The following GRIA4 variants were observed in gnomAD, a reference collection of about 807,000 sequenced individuals.
GRIA4 encodes glutamate receptor 4.
In GRIA4, 34 loss-of-function variants were observed where a neutral mutation model predicts 104.0. That is an observed-to-expected ratio of 0.33 (90% confidence interval 0.25 to 0.44). The LOEUF (loss-of-function observed/expected upper bound fraction) is 0.44. Ranked by LOEUF, GRIA4 falls within the 20% of genes least tolerant of loss-of-function variation. The probability of loss-of-function intolerance (pLI) is 1.00; values close to 1 mark genes in which losing one functional copy is unlikely to be tolerated. For synonymous variants in GRIA4, 386 were observed against 381.9 expected (o/e 1.01, Z -0.13); for missense variants, 750 against 1,096.5 (o/e 0.68, Z 4.46).
chr11:105,696,628 C>A (rs1163350982), intron 3 of GRIA4, among the ~76,000 whole-genome samples: 1 of 152,154 alleles, frequency 6.6e-6, no homozygotes, highest in East Asian at 1.9e-4. Context: ...TGCTAGATAC[C>A]ATTTCTCATC....
intron 4 of GRIA4, among the ~76,000 whole-genome samples, chr11:105,830,677 C>T (rs1469971756): frequency 6.6e-6 from 1 of 152,020 alleles, no homozygotes; most frequent in African/African-American, 2.4e-5. Flanking sequence ...CTATTCCTCA[C>T]TTGCAGTTTT....
At position 105,911,806 on chromosome 11, in the gene GRIA4, A is replaced by ATATATATATATATATATATG. The variant is rs1318702218; in HGVS notation, c.1269+1264_1269+1265insATATATATATATATATGTAT. ...TATATATATATATATATATATATAT[A>ATATATATATATATATATATG]TATGTTTCTTTTCCTAAAAAAGACA... On this transcript the variant is annotated intron_variant, in intron 10 of 16. Coordinates refer to ENST00000282499, the MANE Select transcript of GRIA4 (RefSeq NM_000829.4). The ATATATATATATATATATATG allele has an allele frequency of 5.2e-4, 149 of 285,684 alleles. 1 individual carries two copies. The highest frequency in any genetic ancestry group is 1.4e-3 in the Admixed American group (26 of 18,874). The allele number at this position is 285,684 out of a possible 1,614,324, so 17.7% of individuals were successfully genotyped here.
chr11:105,815,552 T>C (rs1006705137), intron 4 of GRIA4, among the ~76,000 whole-genome samples: 3 of 152,134 alleles, frequency 2.0e-5, no homozygotes, highest in Admixed American at 2.0e-4. Flanking sequence ...TTTCTGAGTC[T>C]TTTATGCTGC....
chr11:105,772,005 A>G (rs1175006322), intron 4 of GRIA4, among the ~76,000 whole-genome samples: 1 of 152,128 alleles, frequency 6.6e-6, no homozygotes, highest in Non-Finnish European at 1.5e-5. Context: ...GCTGTATTAA[A>G]TCATAACTGC....
chr11:105,937,845 T>A lies in GRIA4; in HGVS notation c.2294+3876T>A, dbSNP rs534539124. 3.9e-5 allele frequency among the ~76,000 whole-genome samples: 6 copies of A among 152,182 alleles called. No individual in the cohort carries two copies. The East Asian group carries it at 1.2e-3, about 29-fold the overall frequency. Reference sequence around the variant, plus strand: ...TTCAGGGGGTGAGACCTGGAAAAAATGAGGCCCAGTTGTACTTGGCAATGC... The same window carrying A: ...TTCAGGGGGTGAGACCTGGAAAAAAAGAGGCCCAGTTGTACTTGGCAATGC... On this transcript the variant is annotated intron_variant, in intron 14 of 16. Coordinates refer to ENST00000282499, the MANE Select transcript of GRIA4 (RefSeq NM_000829.4).
intron 4 of GRIA4, among the ~76,000 whole-genome samples, chr11:105,792,542 T>A (rs895954931): frequency 6.6e-6 from 1 of 152,158 alleles, no homozygotes; most frequent in African/African-American, 2.4e-5. Context: ...ATAACTTTGA[T>A]ACATGTTCCA....
intron 3 of GRIA4, among the ~76,000 whole-genome samples, chr11:105,655,570 T>C (rs1290953682): frequency 6.6e-6 from 1 of 152,052 alleles, no homozygotes; most frequent in Non-Finnish European, 1.5e-5. Context: ...CTCCCACTTA[T>C]GACTTATGTG....
chr11:105,889,863 A>G (rs1343065734), intron 6 of GRIA4, among the ~76,000 whole-genome samples: 3 of 152,308 alleles, frequency 2.0e-5, no homozygotes, highest in African/African-American at 2.4e-5. Flanking sequence ...GTATGTCTAT[A>G]TGCTAGCAAT....
chr11:105,739,811 T>C (rs538474636), intron 3 of GRIA4, among the ~76,000 whole-genome samples: 1 of 152,256 alleles, frequency 6.6e-6, no homozygotes, highest in Admixed American at 6.5e-5. Flanking sequence ...GAGAAATTAT[T>C]TTTAACATCC....
At chr11:105,969,929 A>G (rs1369259940) in intron 14 of GRIA4, among the ~76,000 whole-genome samples, 1 of 152,134 alleles carries the variant, frequency 6.6e-6, no homozygotes, top group Non-Finnish European at 1.5e-5. Flanking sequence ...AAGGATTTGC[A>G]GGTCACTAGC....
intron 3 of GRIA4, among the ~76,000 whole-genome samples, chr11:105,622,559 T>C (rs1169146266): frequency 6.6e-6 from 1 of 151,852 alleles, no homozygotes; most frequent in South Asian, 2.1e-4. Context: ...TTCCTTTTTT[T>C]TTCTTTCTTC....
chr11:105,751,756 C>T (rs1940011659), intron 3 of GRIA4, among the ~76,000 whole-genome samples: 1 of 152,168 alleles, frequency 6.6e-6, no homozygotes, highest in Non-Finnish European at 1.5e-5. Context: ...CATAAATGCA[C>T]ATAGAAAACT....
chr11:105,646,545 C>T (rs1951534297), intron 3 of GRIA4, among the ~76,000 whole-genome samples: 2 of 152,148 alleles, frequency 1.3e-5, no homozygotes, highest in Admixed American at 1.3e-4. Flanking sequence ...TAGCCCTATA[C>T]TACAGGGCTA....
intron 3 of GRIA4, among the ~76,000 whole-genome samples, chr11:105,726,682 A>C (rs1022949442): frequency 2.0e-5 from 3 of 152,146 alleles, no homozygotes; most frequent in Non-Finnish European, 4.4e-5. Context: ...CTTCCAGAGG[A>C]AGGAGCAGGC....
chr11:105,839,108 G>A (rs912194927), intron 4 of GRIA4, among the ~76,000 whole-genome samples: 6 of 151,972 alleles, frequency 3.9e-5, no homozygotes, highest in African/African-American at 1.5e-4. Flanking sequence ...TGCCAAGGCT[G>A]AGTTCCCTTC....
chr11:105,980,947 T>C lies in GRIA4; in HGVS notation c.*1208T>C, dbSNP rs968072340. The C allele has an allele frequency of 5.2e-5, 8 of 152,596 alleles. No individual in the cohort carries two copies. The highest frequency in any genetic ancestry group is 3.9e-4 in the Admixed American group (6 of 15,262). 9.5% of individuals were successfully genotyped at this position (152,596 alleles called of 1,614,324 possible). On this transcript the variant is annotated 3_prime_UTR_variant, in exon 17 of 17. Transcript: ENST00000282499. ...ATCACTGTCCTAACAACAACATACC[T>C]TGTAATTGTGTGTTGAAATTTTACT...
At chr11:105,695,148 C>A (rs1265329892) in intron 3 of GRIA4, among the ~76,000 whole-genome samples, 1 of 152,188 alleles carries the variant, frequency 6.6e-6, no homozygotes, top group Non-Finnish European at 1.5e-5. Context: ...TTAATTTGAA[C>A]TTAAAATCTT....
intron 3 of GRIA4, among the ~76,000 whole-genome samples, chr11:105,688,354 C>T (rs933642243): frequency 2.0e-5 from 3 of 151,974 alleles, no homozygotes; most frequent in Non-Finnish European, 2.9e-5. Context: ...GTCAGGACAT[C>T]GAGACCATCC....
At chr11:105,623,356 A>G (rs1950803968) in intron 3 of GRIA4, among the ~76,000 whole-genome samples, 1 of 151,866 alleles carries the variant, frequency 6.6e-6, no homozygotes, top group East Asian at 1.9e-4. Flanking sequence ...TCTGCTTTTT[A>G]CCTTTCTCCA....
Sources: allele counts gnomAD v4.1 joint callset (sites outside exome capture counted in the v4.1 genomes callset), GRCh38; gene constraint gnomAD v4.1.1; transcripts MANE v1.5; gene names NCBI Gene and HGNC (gene_info 2026-07-23, HGNC 2026-07-21).